The following UNC13C variants were observed in gnomAD, a reference collection of about 807,000 sequenced individuals.
UNC13C encodes protein unc-13 homolog C.
In UNC13C, 174 loss-of-function variants were observed where a neutral mutation model predicts 245.4. The ratio of observed to expected loss-of-function variants is 0.71; its 90% CI spans 0.63 to 0.80. The LOEUF is 0.80. Among genes scored for constraint, UNC13C ranks in the 30% least tolerant of loss-of-function variants. UNC13C has a pLI of 0.00. For synonymous variants in UNC13C, 992 were observed against 895.1 expected, an observed-to-expected ratio of 1.11 and a Z score of -1.93; for missense variants, 2,829 against 2,602.9, an observed-to-expected ratio of 1.09 and a Z score of -1.89.
chr15:54,332,223 A>T (rs2038455554), intron 15 of UNC13C, 112 bp downstream of exon 15: 1 of 718,410 alleles, frequency 1.4e-6, no homozygotes, highest in East Asian at 2.8e-5. Context: ...TATTGATCTC[A>T]GGTGCTGTTA....
At chr15:54,624,371 A>G (rs544765153) in intron 32 of UNC13C, among the ~76,000 whole-genome samples, 9 of 148,036 alleles carry the variant, frequency 6.1e-5, no homozygotes, top group African/African-American at 2.3e-4. Context: ...AAAGCCAGGC[A>G]TGGAAGAGCA....
intron 19 of UNC13C, among the ~76,000 whole-genome samples, chr15:54,447,351 C>G (rs1170949937): frequency 6.6e-6 from 1 of 152,082 alleles, no homozygotes; most frequent in Non-Finnish European, 1.5e-5. Flanking sequence ...GGAATGGTAC[C>G]ACCTCCTCCT....
At chr15:54,317,875 G>A (rs2038050403) in intron 13 of UNC13C, among the ~76,000 whole-genome samples, 1 of 151,686 alleles carries the variant, frequency 6.6e-6, no homozygotes, top group African/African-American at 2.4e-5. Flanking sequence ...CTTTGACCAG[G>A]ATCTTCCCAA....
intron 30 of UNC13C, among the ~76,000 whole-genome samples, chr15:54,587,051 A>G (rs1898530956): frequency 6.6e-6 from 1 of 152,190 alleles, no homozygotes; most frequent in South Asian, 2.1e-4. Flanking sequence ...TATGGCTGAA[A>G]ACTACCCAGA....
At chr15:54,130,853 G>C (rs1272435125) in intron 2 of UNC13C, among the ~76,000 whole-genome samples, 2 of 152,114 alleles carry the variant, frequency 1.3e-5, no homozygotes, top group African/African-American at 4.8e-5. Flanking sequence ...GTTCTAGAAA[G>C]TTATAGCTTT....
At chr15:54,146,651 T>C (rs2032273588) in intron 4 of UNC13C, among the ~76,000 whole-genome samples, 1 of 152,344 alleles carries the variant, frequency 6.6e-6, no homozygotes, top group African/African-American at 2.4e-5. Context: ...CATGTTTTGG[T>C]GAAATCAATG....
the UNC13C span, among the ~76,000 whole-genome samples, chr15:53,870,016 C>A: frequency 3.3e-5 from 5 of 152,172 alleles, no homozygotes; most frequent in African/African-American, 1.2e-4. Flanking sequence ...AATCTTCGAG[C>A]CTTCCAAGAA....
At chr15:54,292,837 AGAT>A (rs550853019) in intron 10 of UNC13C, among the ~76,000 whole-genome samples, 10 of 150,090 alleles carry the variant, frequency 6.7e-5, no homozygotes, top group African/African-American at 1.5e-4. Flanking sequence ...GAAAATATAA[AGAT>A]GATCTCTTCC....
intron 4 of UNC13C, among the ~76,000 whole-genome samples, chr15:54,175,654 AG>A (rs2033587476): frequency 6.6e-6 from 1 of 151,956 alleles, no homozygotes. Context: ...CTGGGACTAC[AG>A]GCACCCACCA....
intron 16 of UNC13C, 31 bp from the exon 17 acceptor site, chr15:54,338,330 A>G (rs1008458013): frequency 2.5e-6 from 4 of 1,598,730 alleles, no homozygotes; most frequent in Non-Finnish European, 3.4e-6. Flanking sequence ...TCACTGTTGC[A>G]TTTGAGAAAA....
intron 2 of UNC13C, among the ~76,000 whole-genome samples, chr15:54,053,301 G>A (rs542990741): frequency 6.6e-6 from 1 of 152,030 alleles, no homozygotes; most frequent in Non-Finnish European, 1.5e-5. Flanking sequence ...GAAAGTGTTG[G>A]GATTACAGGC....
chr15:54,143,367 G>C (rs2032111745), intron 3 of UNC13C, among the ~76,000 whole-genome samples: 1 of 152,068 alleles, frequency 6.6e-6, no homozygotes, highest in African/African-American at 2.4e-5. Flanking sequence ...AAGTTTTAAG[G>C]GCAAATAGTA....
At chr15:53,915,683 G>A in the UNC13C span, among the ~76,000 whole-genome samples, 3 of 152,150 alleles carry the variant, frequency 2.0e-5, no homozygotes, top group African/African-American at 7.2e-5. Flanking sequence ...AAGAAAAAAT[G>A]AATTAAACAA....
Position 54,012,891 on chromosome 15 carries a change from C to G in UNC13C, c.-13C>G. 6.4e-7 allele frequency: 1 copy of G among 1,566,246 alleles called. No individual in the cohort carries two copies. On this transcript the variant is annotated 5_prime_UTR_variant, in exon 2 of 33. Coordinates refer to ENST00000260323, the MANE Select transcript of UNC13C (RefSeq NM_001080534.3). The stretch of plus-strand genomic sequence containing the variant: ...CTTTTCTGGGGCAGAAAAGCTTGCA[C>G]TAATTGCTCTCCATGGTGGCTAATT...
At chr15:54,527,399 G>T (rs749157961) in intron 25 of UNC13C, among the ~76,000 whole-genome samples, 3 of 152,182 alleles carry the variant, frequency 2.0e-5, no homozygotes. Flanking sequence ...GGAAAAAAAA[G>T]AGGTCAGGAA....
At chr15:54,339,360 C>G (rs767491496) in intron 17 of UNC13C, among the ~76,000 whole-genome samples, 4 of 152,012 alleles carry the variant, frequency 2.6e-5, no homozygotes, top group Non-Finnish European at 5.9e-5. Flanking sequence ...TTTCGGTGCA[C>G]CCATCACCCA....
intron 2 of UNC13C, among the ~76,000 whole-genome samples, chr15:54,125,708 T>C (rs538634700): frequency 6.6e-6 from 1 of 152,330 alleles, no homozygotes; most frequent in East Asian, 1.9e-4. Context: ...GATTTTGCTT[T>C]ATCTATTTTG....
At position 54,623,947 on chromosome 15, in the gene UNC13C, T is replaced by C; in HGVS notation, c.6352T>C (p.Phe2118Leu). Residue 2118 changes from phenylalanine (F) to leucine (L), a missense_variant, in exon 32 of 33, where the codon TTT becomes CTT. Physicochemically the swap from Phe to Leu is conservative, Grantham distance 22 (BLOSUM62 0). Transcript: ENST00000260323. ...ATGGTCACCAAAGTACAATGAAACA[T>C]TTCAGTTGTAAGTCATAAACCCACC... ...NTWSPKYNET[F>L]QFILGKENRP... 6.2e-7 allele frequency: 1 copy of C among 1,613,014 alleles called. No individual in the cohort carries two copies. Among genetic ancestry groups the C allele is most frequent in the Non-Finnish European group, 8.5e-7 (1 of 1,179,260 alleles).
At chr15:54,415,160 A>T (rs2040493620) in intron 19 of UNC13C, 93 bp downstream of exon 19, 8 of 889,864 alleles carry the variant, frequency 9.0e-6, no homozygotes, top group Middle Eastern at 3.4e-4. Context: ...TTGAAACATT[A>T]AAACACTGAT....
Sources: allele counts gnomAD v4.1 joint callset (sites outside exome capture counted in the v4.1 genomes callset), GRCh38; gene constraint gnomAD v4.1.1; transcripts MANE v1.5; gene names NCBI Gene and HGNC (gene_info 2026-07-23, HGNC 2026-07-21).